Variants in HPSE2 observed in about 807,000 individuals in gnomAD.
HPSE2 encodes heparanase 2 (inactive).
A neutral mutation model predicts 60.5 loss-of-function variants in HPSE2; 38 were observed. The ratio of observed to expected loss-of-function variants is 0.63; its 90% CI spans 0.48 to 0.82. The LOEUF is 0.82. HPSE2 is among the 40% of genes least tolerant of loss of function. The probability of loss-of-function intolerance (pLI) is 0.00; values close to 1 mark genes in which losing one functional copy is unlikely to be tolerated. For synonymous variants in HPSE2, 295 were observed against 293.2 expected (o/e 1.01, Z -0.06); for missense variants, 713 against 740.4 (o/e 0.96, Z 0.43).
intron 9 of HPSE2, among the ~76,000 whole-genome samples, chr10:98,587,052 T>C (rs1201372195): frequency 6.6e-6 from 1 of 152,236 alleles, no homozygotes; most frequent in Non-Finnish European, 1.5e-5. Context: ...ATGGCTAGCA[T>C]ATGAAATGTC....
chr10:99,139,920 C>T (rs927968385), intron 3 of HPSE2, among the ~76,000 whole-genome samples: 2 of 152,082 alleles, frequency 1.3e-5, no homozygotes. Flanking sequence ...AGGTTTTATC[C>T]CCCTGGCATT....
intron 3 of HPSE2, among the ~76,000 whole-genome samples, chr10:99,040,523 C>CTT (rs757371637): frequency 6.6e-5 from 10 of 152,096 alleles, no homozygotes; most frequent in Non-Finnish European, 1.5e-4. Flanking sequence ...TGTTTTTCAT[C>CTT]TTTTAACTTT....
At chr10:99,128,646 C>A (rs1385940210) in intron 3 of HPSE2, among the ~76,000 whole-genome samples, 1 of 151,962 alleles carries the variant, frequency 6.6e-6, no homozygotes, top group Non-Finnish European at 1.5e-5. Flanking sequence ...ACACCTGGAA[C>A]AGGGAGGGAA....
chr10:98,733,866 T>C (rs1949285362), intron 4 of HPSE2, among the ~76,000 whole-genome samples: 1 of 152,202 alleles, frequency 6.6e-6, no homozygotes. Context: ...CATTGAGATA[T>C]AAAACACATA....
intron 3 of HPSE2, among the ~76,000 whole-genome samples, chr10:98,947,633 G>C (rs1193997556): frequency 6.6e-6 from 1 of 152,128 alleles, no homozygotes; most frequent in African/African-American, 2.4e-5. Context: ...TAGTAAGAAA[G>C]AGAAGCAAGT....
At chr10:98,540,579 A>T (rs987333437) in intron 9 of HPSE2, among the ~76,000 whole-genome samples, 1 of 152,274 alleles carries the variant, frequency 6.6e-6, no homozygotes, top group Non-Finnish European at 1.5e-5. Context: ...AACAGACTAC[A>T]TTGAAAAGAG....
chr10:99,187,340 A>G (rs2133851162), intron 2 of HPSE2, among the ~76,000 whole-genome samples: 1 of 152,314 alleles, frequency 6.6e-6, no homozygotes, highest in East Asian at 1.9e-4. Flanking sequence ...TGGTTATTTT[A>G]AAATGTATTT....
rs1951211776 is a variant in HPSE2 at position 98,813,394 on chromosome 10, T to C, written c.611-69338A>G. Among the ~76,000 whole-genome samples the C allele has an allele frequency of 3.3e-5, 5 of 152,264 alleles. No individual in the cohort carries two copies. In the South Asian group the frequency reaches 1.0e-3, roughly 32 times the overall value. Reference sequence around the variant, plus strand: ...CCTTCATAGGCAGAATCTCAGTCATTAACTTGAACATACTCACCTTAATAA... The same window carrying C: ...CCTTCATAGGCAGAATCTCAGTCATCAACTTGAACATACTCACCTTAATAA... On this transcript the variant is annotated intron_variant, in intron 3 of 11. Coordinates refer to ENST00000370552, the MANE Select transcript of HPSE2 (RefSeq NM_021828.5).
intron 3 of HPSE2, among the ~76,000 whole-genome samples, chr10:99,001,339 T>C (rs1956773173): frequency 6.6e-6 from 1 of 152,090 alleles, no homozygotes; most frequent in Non-Finnish European, 1.5e-5. Flanking sequence ...CCTGGAACCT[T>C]TGGTTCTAGT....
intron 3 of HPSE2, among the ~76,000 whole-genome samples, chr10:99,057,052 G>A (rs1958131128): frequency 6.6e-6 from 1 of 152,118 alleles, no homozygotes; most frequent in Admixed American, 6.6e-5. Flanking sequence ...TGGGAGGTGA[G>A]GATTTGCTGG....
At position 98,572,107 on chromosome 10, in the gene HPSE2, C is replaced by T. The variant is rs559492946; in HGVS notation, c.1320+42797G>A. 4.7e-3 allele frequency among the ~76,000 whole-genome samples: 714 copies of T among 151,850 alleles called. 4 individuals carry two copies. Among genetic ancestry groups the T allele is most frequent in the Non-Finnish European group, 7.8e-3 (526 of 67,870 alleles). ...AGGTGCCCACCACCACGCCCAGCTA[C>T]TTTTTGTATTTTTAGTAGAGATGAG... On this transcript the variant is annotated intron_variant, in intron 9 of 11. Transcript: ENST00000370552.
chr10:99,220,268 G>C (rs899142679), intron 2 of HPSE2, among the ~76,000 whole-genome samples: 3 of 151,416 alleles, frequency 2.0e-5, no homozygotes, highest in African/African-American at 7.3e-5. Flanking sequence ...ATAACAAACA[G>C]ATAACTTCTT....
chr10:98,884,071 G>A (rs1214013603), intron 3 of HPSE2, among the ~76,000 whole-genome samples: 1 of 152,130 alleles, frequency 6.6e-6, no homozygotes, highest in Non-Finnish European at 1.5e-5. Context: ...CCTTATTACT[G>A]ATATGGAGAA....
intron 2 of HPSE2, among the ~76,000 whole-genome samples, chr10:99,160,979 G>T (rs1254674214): frequency 6.6e-6 from 1 of 151,616 alleles, no homozygotes; most frequent in Non-Finnish European, 1.5e-5. Context: ...ACTCTGAGTG[G>T]CCAGGGTGGG....
intron 4 of HPSE2, among the ~76,000 whole-genome samples, chr10:98,723,645 T>A (rs1287035828): frequency 6.6e-6 from 1 of 152,224 alleles, no homozygotes; most frequent in Non-Finnish European, 1.5e-5. Context: ...TTTCAGAGCC[T>A]GTTATTGGTC....
intron 5 of HPSE2, among the ~76,000 whole-genome samples, chr10:98,696,311 A>C (rs919839601): frequency 3.3e-5 from 5 of 150,858 alleles, no homozygotes; most frequent in Admixed American, 6.6e-5. Flanking sequence ...AAAAAAAAAA[A>C]AAAAAAACCA....
chr10:99,127,764 T>C (rs1003093054), intron 3 of HPSE2, among the ~76,000 whole-genome samples: 5 of 152,164 alleles, frequency 3.3e-5, no homozygotes, highest in Non-Finnish European at 5.9e-5. Context: ...AGGTAAACTA[T>C]ACAGAAAAAC....
chr10:98,924,328 G>T (rs1423874496), intron 3 of HPSE2, among the ~76,000 whole-genome samples: 1 of 152,244 alleles, frequency 6.6e-6, no homozygotes, highest in African/African-American at 2.4e-5. Context: ...CCCAAAGCCA[G>T]CACAGCAATG....
chr10:98,691,099 T>C (rs937753024), intron 6 of HPSE2, among the ~76,000 whole-genome samples: 2 of 152,206 alleles, frequency 1.3e-5, no homozygotes, highest in Non-Finnish European at 2.9e-5. Flanking sequence ...CACCTCAGTA[T>C]TTCTCAGGAT....
Sources: gnomAD v4.1 joint callset for allele counts (sites outside exome capture counted in the v4.1 genomes callset) on GRCh38, gnomAD v4.1.1 for gene constraint, MANE v1.5 for transcripts, NCBI Gene and HGNC (gene_info 2026-07-23, HGNC 2026-07-21) for gene names.